SHOC1: variants seen among roughly 807,000 people sequenced by gnomAD.
SHOC1 encodes protein shortage in chiasmata 1 ortholog.
A neutral mutation model predicts 179.2 loss-of-function variants in SHOC1; 136 were observed. The observed-to-expected ratio is 0.76, with a 90% CI of 0.66 to 0.87. The LOEUF is 0.87. Among genes scored for constraint, SHOC1 ranks in the 40% least tolerant of loss-of-function variants. The pLI is 0.00. For missense variants in SHOC1, 1,538 were observed against 1,700.8 expected, an observed-to-expected ratio of 0.90 and a Z score of 1.68; for synonymous variants, 489 against 586.6, an observed-to-expected ratio of 0.83 and a Z score of 2.41.
intron 3 of SHOC1, among the ~76,000 whole-genome samples, chr9:111,781,838 T>C (rs1361185716): frequency 1.3e-5 from 2 of 152,090 alleles, no homozygotes; most frequent in South Asian, 2.1e-4. Context: ...TGTCAGAATA[T>C]ACAACTGAGT....
intron 12 of SHOC1, among the ~76,000 whole-genome samples, chr9:111,729,776 C>G (rs1288443427): frequency 1.3e-5 from 2 of 151,956 alleles, no homozygotes; most frequent in East Asian, 3.9e-4. Context: ...CCTGTAGTCC[C>G]AGCTACTCAG....
chr9:111,758,947 G>T, intron 5 of SHOC1, 99 bp from the exon 6 acceptor site: 1 of 884,076 alleles, frequency 1.1e-6, no homozygotes, highest in Non-Finnish European at 1.7e-6. Flanking sequence ...ATACAGCTGG[G>T]TTTTTCAATC....
intron 15 of SHOC1, among the ~76,000 whole-genome samples, chr9:111,720,832 A>G (rs1332081183): frequency 6.6e-6 from 1 of 152,246 alleles, no homozygotes; most frequent in Non-Finnish European, 1.5e-5. Context: ...CTTTTCAAAC[A>G]TACAGAAAAC....
At position 111,738,540 on chromosome 9, in the gene SHOC1, A is replaced by G. The variant is rs200320797; in HGVS notation, c.1175-18T>C. 32 of 1,527,258 alleles carry G rather than the reference A, an allele frequency of 2.1e-5. No individual in the cohort carries two copies. The African/African-American group carries it at 3.4e-4, about 16-fold the overall frequency. The allele number at this position is 1,527,258 out of a possible 1,614,324, so 94.6% of individuals were successfully genotyped here. A position where few individuals can be genotyped will look rare whatever the true frequency, so the allele number is the denominator to read the frequency against. The stretch of plus-strand genomic sequence containing the variant: ...TCTTGGCACTTAAAAAAAAATAAAA[A>G]ACAAATAGTTAGAAACAGTCTACAA... On this transcript the variant is annotated intron_variant, in intron 11 of 27. Coordinates refer to ENST00000682961, the MANE Select transcript of SHOC1 (RefSeq NM_001378211.1).
intron 5 of SHOC1, among the ~76,000 whole-genome samples, chr9:111,774,079 A>C (rs1413424265): frequency 6.6e-6 from 1 of 152,208 alleles, no homozygotes; most frequent in Non-Finnish European, 1.5e-5. Context: ...TCTCTCAGTC[A>C]ATAGTTGATT....
intron 2 of SHOC1, among the ~76,000 whole-genome samples, chr9:111,789,418 T>A (rs141306065): frequency 0.012 from 1,753 of 152,336 alleles, 21 homozygotes; most frequent in Non-Finnish European, 0.017. Flanking sequence ...ATATGCATGA[T>A]ACTACTCATT....
chr9:111,793,309 G>A (rs965456243), intron 1 of SHOC1, among the ~76,000 whole-genome samples: 26 of 152,278 alleles, frequency 1.7e-4, no homozygotes, highest in African/African-American at 5.8e-4. Flanking sequence ...CAACTTTACT[G>A]ACTTTACCCA....
chr9:111,731,093 A>G (rs1374891687), intron 12 of SHOC1, among the ~76,000 whole-genome samples: 1 of 152,200 alleles, frequency 6.6e-6, no homozygotes, highest in African/African-American at 2.4e-5. Flanking sequence ...ATAGAATCAA[A>G]AGGAGTTAGA....
chr9:111,691,401 T>C (rs558316499), intron 27 of SHOC1, 150 bp downstream of exon 27: 2 of 668,644 alleles, frequency 3.0e-6, no homozygotes, highest in Non-Finnish European at 4.9e-6. Flanking sequence ...GCATTTATTT[T>C]AGAGTTTAGA....
chr9:111,773,305 A>G (rs1362330080), intron 5 of SHOC1, among the ~76,000 whole-genome samples: 1 of 151,944 alleles, frequency 6.6e-6, no homozygotes, highest in Non-Finnish European at 1.5e-5. Context: ...TATTTATTTT[A>G]TTTTATTTTT....
At chr9:111,723,339 C>A (rs905969776) in intron 14 of SHOC1, among the ~76,000 whole-genome samples, 9 of 152,136 alleles carry the variant, frequency 5.9e-5, no homozygotes, top group Non-Finnish European at 1.0e-4. Flanking sequence ...AATAATGAAT[C>A]TGATGTTCTT....
intron 27 of SHOC1, 94 bp downstream of exon 27, chr9:111,691,457 G>T (rs1831417107): frequency 2.5e-6 from 3 of 1,201,436 alleles, no homozygotes; most frequent in Non-Finnish European, 3.4e-6. Context: ...TTTAAATGTA[G>T]TAATTAAAAC....
In SHOC1 at chr9:111,727,620, T is replaced by C. The variant is rs1356039026; in HGVS notation, c.1834+13A>G. 6.5e-7 allele frequency: 1 copy of C among 1,544,880 alleles called. No homozygotes were observed. The highest frequency in any genetic ancestry group is 8.7e-7 in the Non-Finnish European group (1 of 1,150,946). ...CTACCATATCTACGGCAAAATATTA[T>C]TAAATTACTTACCATGTTTTTCATC... is the stretch of plus-strand genomic sequence containing the variant. On this transcript the variant is annotated intron_variant, in intron 13 of 27. Transcript: ENST00000682961.
In SHOC1 at chr9:111,759,077, A is replaced by C. The variant is rs1589450303; in HGVS notation, c.443-229T>G. The C allele has an allele frequency of 5.6e-6, 8 of 1,438,762 alleles. No individual in the cohort carries two copies. In the South Asian group the frequency reaches 1.1e-4, roughly 20 times the overall value. 89.1% of individuals were successfully genotyped at this position (1,438,762 alleles called of 1,614,324 possible). A position where few individuals can be genotyped will look rare whatever the true frequency, so the allele number is the denominator to read the frequency against. ...TATCTAGGACACCGAGGAATAGCCAAATATCCCAAAAGAGCTGTAACGGCT... is the reference window on the plus strand; with the variant it reads ...TATCTAGGACACCGAGGAATAGCCACATATCCCAAAAGAGCTGTAACGGCT... On this transcript the variant is annotated intron_variant, in intron 5 of 27. Transcript: ENST00000682961.
At position 111,750,523 on chromosome 9, in the gene SHOC1, C is replaced by T. The variant is rs189876407; in HGVS notation, c.863-2324G>A. On this transcript the variant is annotated intron_variant, in intron 8 of 27. Transcript: ENST00000682961. ...CTAATTTTTGTATTTTTAGTAGAGA[C>T]GGGGTTTCACCATGTTGGCCAGGCT... 4.5e-3 allele frequency among the ~76,000 whole-genome samples: 682 copies of T among 152,152 alleles called. 15 individuals carry two copies. Among genetic ancestry groups the T allele is most frequent in the Admixed American group, 0.034 (524 of 15,268 alleles).
rs1248737426 is a variant in SHOC1 at position 111,780,917 on chromosome 9, T to A, written c.257+13A>T. On this transcript the variant is annotated intron_variant, in intron 4 of 27. Coordinates refer to ENST00000682961, the MANE Select transcript of SHOC1 (RefSeq NM_001378211.1). Reference sequence around the variant, plus strand: ...TAGATGTAAAAGAGAAATTTGAGATTAAGGATACATACTTCTCAAGGAAAT... The same window carrying A: ...TAGATGTAAAAGAGAAATTTGAGATAAAGGATACATACTTCTCAAGGAAAT... 2.5e-6 allele frequency: 4 copies of A among 1,588,768 alleles called. No individual in the cohort carries two copies. Among genetic ancestry groups the A allele is most frequent in the Non-Finnish European group, 3.4e-6 (4 of 1,159,644 alleles).
intron 24 of SHOC1, among the ~76,000 whole-genome samples, chr9:111,696,735 A>G (rs1831711894): frequency 3.3e-5 from 5 of 151,640 alleles, no homozygotes; most frequent in Admixed American, 3.3e-4. Context: ...TGCATAGAGG[A>G]AAAAAACTTT....
chr9:111,779,537 C>A (rs1349700478), intron 4 of SHOC1, among the ~76,000 whole-genome samples: 4 of 152,218 alleles, frequency 2.6e-5, no homozygotes, highest in African/African-American at 9.6e-5. Context: ...AAAATGCTTT[C>A]TCTCAAGTTA....
intron 5 of SHOC1, among the ~76,000 whole-genome samples, chr9:111,764,161 G>A (rs1835257755): frequency 6.6e-6 from 1 of 152,122 alleles, no homozygotes; most frequent in South Asian, 2.1e-4. Context: ...TTTCCACACT[G>A]ATATGCCACC....
Sources: gnomAD v4.1 joint callset for allele counts (sites outside exome capture counted in the v4.1 genomes callset) on GRCh38, gnomAD v4.1.1 for gene constraint, MANE v1.5 for transcripts, NCBI Gene and HGNC (gene_info 2026-07-23, HGNC 2026-07-21) for gene names.